PALLD: variants seen among roughly 807,000 people sequenced by gnomAD.
The protein encoded by PALLD is palladin.
A neutral mutation model predicts 123.5 loss-of-function variants in PALLD; 61 were observed. That is an observed-to-expected ratio of 0.49 (90% CI 0.40 to 0.61). The LOEUF (loss-of-function observed/expected upper bound fraction) is 0.61, where lower values mean the gene tolerates loss of function less well. Ranked by LOEUF, PALLD falls within the 20% of genes least tolerant of loss-of-function variation. The pLI is 0.00. For missense variants in PALLD, 1,273 were observed against 1,377.0 expected (o/e 0.92, Z 1.20); for synonymous variants, 465 against 496.4 (o/e 0.94, Z 0.84).
intron 18 of PALLD, among the ~76,000 whole-genome samples, chr4:168,922,096 TATATATACACAC>T (rs1438708754): frequency 3.3e-4 from 35 of 104,914 alleles, no homozygotes; most frequent in African/African-American, 9.6e-4. Flanking sequence ...TATATATATA[TATATATACACAC>T]ACACACACAC....
intron 6 of PALLD, among the ~76,000 whole-genome samples, chr4:168,689,322 ACAATT>A (rs1295128699): frequency 2.6e-5 from 4 of 152,068 alleles, no homozygotes; most frequent in Non-Finnish European, 5.9e-5. Context: ...AACAAACAAA[ACAATT>A]CACACTTCCT....
chr4:168,748,586 A>T (rs913677157), intron 10 of PALLD, among the ~76,000 whole-genome samples: 1 of 152,224 alleles, frequency 6.6e-6, no homozygotes, highest in East Asian at 1.9e-4. Context: ...GAATCCAAGC[A>T]TAGGTTAGCT....
chr4:168,910,220 CT>C (rs70961563), intron 15 of PALLD, among the ~76,000 whole-genome samples: 18,103 of 113,892 alleles, frequency 0.16, 1,195 homozygotes, highest in African/African-American at 0.26. Context: ...AACCTGTTTA[CT>C]TTTTTTTTTT....
chr4:168,730,384 A>G (rs1009347022), intron 10 of PALLD, among the ~76,000 whole-genome samples: 1 of 151,958 alleles, frequency 6.6e-6, no homozygotes, highest in Admixed American at 6.6e-5. Flanking sequence ...CATATTAATC[A>G]TTGGATTTTG....
At chr4:168,619,032 C>A (rs1034963007) in intron 2 of PALLD, among the ~76,000 whole-genome samples, 2 of 152,190 alleles carry the variant, frequency 1.3e-5, no homozygotes, top group African/African-American at 4.8e-5. Flanking sequence ...CGAGCCATGA[C>A]GAGGCCTGCT....
chr4:168,927,533 C>T lies in PALLD; in HGVS notation c.*1353C>T, dbSNP rs1762715137. 4.3e-6 allele frequency: 1 copy of T among 231,194 alleles called. No homozygotes were observed. The highest frequency in any genetic ancestry group is 8.6e-6 in the Non-Finnish European group (1 of 116,770). 14.3% of individuals were successfully genotyped at this position (231,194 alleles called of 1,614,324 possible). A position where few individuals can be genotyped will look rare whatever the true frequency, so the allele number is the denominator to read the frequency against. ...ATAAATGAGAAATTGCCTGTAGCAT[C>T]TAGTCTACTTGAAGGAAGTGGAGAC... On this transcript the variant is annotated 3_prime_UTR_variant, in exon 22 of 22. Coordinates refer to ENST00000505667, the MANE Select transcript of PALLD (RefSeq NM_001166108.2).
intron 2 of PALLD, among the ~76,000 whole-genome samples, chr4:168,618,683 A>T (rs761443614): frequency 3.9e-5 from 6 of 152,264 alleles, no homozygotes; most frequent in Admixed American, 1.3e-4. Context: ...GGCTGTACTT[A>T]GTCCATCATA....
chr4:168,594,425 A>T (rs775709421), intron 2 of PALLD, among the ~76,000 whole-genome samples: 5 of 152,168 alleles, frequency 3.3e-5, no homozygotes, highest in Non-Finnish European at 7.4e-5. Flanking sequence ...AGTAGCCTTA[A>T]AAAAAACAGA....
At chr4:168,678,831 T>C (rs1781140754) in intron 3 of PALLD, among the ~76,000 whole-genome samples, 1 of 137,968 alleles carries the variant, frequency 7.2e-6, no homozygotes, top group Non-Finnish European at 1.6e-5. Flanking sequence ...TGGGGGGGTA[T>C]GGTGTGCGTG....
At chr4:168,776,602 CT>C (rs1450513326) in intron 10 of PALLD, among the ~76,000 whole-genome samples, 1 of 152,166 alleles carries the variant, frequency 6.6e-6, no homozygotes, top group East Asian at 1.9e-4. Flanking sequence ...AGCATGCACC[CT>C]TTTACTATTA....
chr4:168,860,903 A>G (rs1420856856), intron 10 of PALLD, among the ~76,000 whole-genome samples: 4 of 152,224 alleles, frequency 2.6e-5, no homozygotes, highest in Admixed American at 2.6e-4. Context: ...AGAGAATTTC[A>G]TTATTTGAAA....
At chr4:168,551,788 C>T (rs973468564) in intron 2 of PALLD, among the ~76,000 whole-genome samples, 1 of 151,998 alleles carries the variant, frequency 6.6e-6, no homozygotes, top group Non-Finnish European at 1.5e-5. Context: ...GACAACTCTC[C>T]ACTAAATGAA....
chr4:168,559,247 T>C (rs1301323401), intron 2 of PALLD, among the ~76,000 whole-genome samples: 1 of 152,216 alleles, frequency 6.6e-6, no homozygotes, highest in Non-Finnish European at 1.5e-5. Flanking sequence ...GTTTAGCCTC[T>C]GAAAACTCTA....
At chr4:168,826,760 G>T (rs1743472937) in intron 10 of PALLD, among the ~76,000 whole-genome samples, 1 of 152,172 alleles carries the variant, frequency 6.6e-6, no homozygotes, top group Admixed American at 6.5e-5. Flanking sequence ...GCATCGCACT[G>T]TGTCTTTTCA....
intron 10 of PALLD, among the ~76,000 whole-genome samples, chr4:168,790,528 A>G (rs1737364529): frequency 6.6e-6 from 1 of 151,854 alleles, no homozygotes. Flanking sequence ...TGAGGTACAG[A>G]TTGAAATTTA....
At chr4:168,696,136 G>A (rs564519626) in intron 8 of PALLD, among the ~76,000 whole-genome samples, 5 of 152,284 alleles carry the variant, frequency 3.3e-5, no homozygotes, top group African/African-American at 1.2e-4. Context: ...GAGGCCACGG[G>A]TTGGACAAGC....
At chr4:168,531,406 T>G (rs1764584471) in intron 2 of PALLD, among the ~76,000 whole-genome samples, 1 of 152,200 alleles carries the variant, frequency 6.6e-6, no homozygotes, top group Admixed American at 6.5e-5. Context: ...CAGGTAAAGA[T>G]GGAATTCATC....
intron 2 of PALLD, among the ~76,000 whole-genome samples, chr4:168,618,429 A>T (rs775933423): frequency 1.6e-4 from 24 of 152,288 alleles, no homozygotes; most frequent in Middle Eastern, 3.4e-3. Context: ...TGGGTAGAGA[A>T]GCTTTGGGCA....
chr4:168,589,228 G>A (rs1771156778), intron 2 of PALLD, among the ~76,000 whole-genome samples: 1 of 152,302 alleles, frequency 6.6e-6, no homozygotes, highest in South Asian at 2.1e-4. Context: ...ATCCACGTCT[G>A]ATCTAATGAG....
Sources: allele counts gnomAD v4.1 joint callset (sites outside exome capture counted in the v4.1 genomes callset), GRCh38; gene constraint gnomAD v4.1.1; transcripts MANE v1.5; gene names NCBI Gene and HGNC (gene_info 2026-07-23, HGNC 2026-07-21).